MYCBP2: variants seen among roughly 807,000 people sequenced by gnomAD.
MYCBP2 encodes E3 ubiquitin-protein ligase MYCBP2.
Under a neutral mutation model 525.3 loss-of-function variants are expected in MYCBP2, and 120 were observed. The ratio of observed to expected loss-of-function variants is 0.23; its 90% CI spans 0.20 to 0.27. The LOEUF is 0.27. MYCBP2 is among the 10% of genes least tolerant of loss of function. MYCBP2 has a pLI of 1.00. For synonymous variants in MYCBP2, 1,894 were observed against 1,955.8 expected (o/e 0.97, Z 0.83); for missense variants, 4,149 against 5,657.1 (o/e 0.73, Z 8.55).
intron 76 of MYCBP2, 84 bp from the exon 77 acceptor site, chr13:77,059,710 A>G (rs2038923663): frequency 1.1e-6 from 1 of 923,798 alleles, no homozygotes; most frequent in East Asian, 2.5e-5. Flanking sequence ...AAAGCAAACT[A>G]GGTTTGTATA....
intron 17 of MYCBP2, 52 bp from the exon 18 acceptor site, chr13:77,233,315 C>A: frequency 1.6e-6 from 2 of 1,277,388 alleles, no homozygotes; most frequent in Non-Finnish European, 2.3e-6. Context: ...AATGAAAACA[C>A]TATAATGAAC....
chr13:77,261,831 G>A lies in MYCBP2; in HGVS notation c.1647+222C>T, dbSNP rs576927926. ...CACAAACCTTCAATTTGTAAAAAGA[G>A]CAATTATTTGTGAAGTGTAACAAAA... On this transcript the variant is annotated intron_variant, in intron 11 of 82. Coordinates refer to ENST00000544440, the MANE Select transcript of MYCBP2 (RefSeq NM_015057.5). 1.4e-4 allele frequency among the ~76,000 whole-genome samples: 21 copies of A among 152,082 alleles called. No homozygotes were observed. In the South Asian group the frequency reaches 3.5e-3, roughly 26 times the overall value.
chr13:77,260,693 T>G (rs1366902387), intron 12 of MYCBP2, 101 bp from the exon 13 acceptor site: 5 of 1,035,676 alleles, frequency 4.8e-6, no homozygotes, highest in Non-Finnish European at 6.8e-6. Context: ...TTATTTGCAT[T>G]TATGACACTA....
At chr13:77,246,337 T>A (rs184769686) in intron 15 of MYCBP2, among the ~76,000 whole-genome samples, 232 of 152,224 alleles carry the variant, frequency 1.5e-3, no homozygotes, top group African/African-American at 5.3e-3. Flanking sequence ...ACACTATTTT[T>A]AAAATAGTGT....
chr13:77,146,237 C>T lies in MYCBP2; in HGVS notation c.7132-20G>A. 1 of 1,535,880 alleles carries T rather than the reference C, an allele frequency of 6.5e-7. No homozygotes were observed. Among genetic ancestry groups the T allele is most frequent in the Non-Finnish European group, 8.8e-7 (1 of 1,131,328 alleles). Reference sequence around the variant, plus strand: ...ATAAACCTTTAAGAAAGAGACCAGTCTGAACAATCGTAAAATCATTTAAAA... The same window carrying T: ...ATAAACCTTTAAGAAAGAGACCAGTTTGAACAATCGTAAAATCATTTAAAA... On this transcript the variant is annotated intron_variant, in intron 47 of 82. Transcript: ENST00000544440.
chr13:77,199,715 C>T (rs2062231109), intron 26 of MYCBP2, among the ~76,000 whole-genome samples: 1 of 152,228 alleles, frequency 6.6e-6, no homozygotes, highest in Non-Finnish European at 1.5e-5. Flanking sequence ...AGACTGCCTC[C>T]TCAAGTGGGT....
In MYCBP2 at chr13:77,326,491, A is replaced by G; in HGVS notation, c.285T>C (p.Ala95=). The G allele has an allele frequency of 6.3e-7, 1 of 1,582,010 alleles. No individual in the cohort carries two copies. Among genetic ancestry groups the G allele is most frequent in the Non-Finnish European group, 8.6e-7 (1 of 1,165,230 alleles). The change falls in exon 1 of 83, where the codon GCT becomes GCC. Residue 95 remains alanine, a synonymous_variant. Coordinates refer to ENST00000544440, the MANE Select transcript of MYCBP2 (RefSeq NM_015057.5). The surrounding 1 kb of genome is among the most constrained non-coding windows in gnomAD (Gnocchi z 4.2). ...LNDRDQGGGS[A]GHPASRNKKI... is the part of the protein sequence containing the mutation. ...GGACGCACCTGGAGGCTGGGTGTCC[A>G]GCGCTGCCGCCCCCCTGGTCCCTGT... is the stretch of plus-strand genomic sequence containing the variant.
chr13:77,246,386 GAGGA>G (rs1261087747), intron 15 of MYCBP2, among the ~76,000 whole-genome samples: 1 of 151,958 alleles, frequency 6.6e-6, no homozygotes, highest in Non-Finnish European at 1.5e-5. Context: ...AAAAACTGAA[GAGGA>G]GAGAACAAGA....
At chr13:77,234,675 T>C (rs2067629658) in intron 17 of MYCBP2, among the ~76,000 whole-genome samples, 1 of 151,996 alleles carries the variant, frequency 6.6e-6, no homozygotes, top group Non-Finnish European at 1.5e-5. Flanking sequence ...CTGAGTTCCA[T>C]TTCTAAAATG....
chr13:77,191,008 T>C (rs746614104), intron 28 of MYCBP2, among the ~76,000 whole-genome samples: 54 of 152,276 alleles, frequency 3.5e-4, no homozygotes, highest in Admixed American at 1.6e-3. Flanking sequence ...AATACATAAA[T>C]CATAGTAATA....
intron 36 of MYCBP2, among the ~76,000 whole-genome samples, chr13:77,175,536 C>T (rs1180301236): frequency 2.0e-5 from 3 of 152,132 alleles, no homozygotes; most frequent in Non-Finnish European, 4.4e-5. Context: ...TGAAACCTCT[C>T]GTGTACCGAT....
At chr13:77,292,958 CAAAAAAAAAA>C (rs548135428) in intron 2 of MYCBP2, among the ~76,000 whole-genome samples, 2 of 61,290 alleles carry the variant, frequency 3.3e-5, no homozygotes, top group Non-Finnish European at 7.0e-5. Context: ...GACTCCGTCT[CAAAAAAAAAA>C]AAAAAAAAAG....
intron 1 of MYCBP2, among the ~76,000 whole-genome samples, chr13:77,311,574 TTTTTG>T (rs1052319814): frequency 6.6e-6 from 1 of 150,802 alleles, no homozygotes; most frequent in Non-Finnish European, 1.5e-5. Context: ...TGTTTTTTTT[TTTTTG>T]TTTTTTTTTT....
At chr13:77,056,104 GTGTGT>G in intron 79 of MYCBP2, among the ~76,000 whole-genome samples, 1 of 69,636 alleles carries the variant, frequency 1.4e-5, no homozygotes, top group East Asian at 3.5e-4. Flanking sequence ...TGTTTGGTGT[GTGTGT>G]GTGTGTGTGT....
At chr13:77,252,097 C>A (rs1417983258) in intron 14 of MYCBP2, among the ~76,000 whole-genome samples, 1 of 152,154 alleles carries the variant, frequency 6.6e-6, no homozygotes, top group African/African-American at 2.4e-5. Context: ...CCTGTTTATA[C>A]CTCACCTAAC....
intron 55 of MYCBP2, among the ~76,000 whole-genome samples, chr13:77,105,764 G>A (rs534290138): frequency 6.6e-6 from 1 of 152,008 alleles, no homozygotes; most frequent in Non-Finnish European, 1.5e-5. Context: ...AAGTTTAAGA[G>A]AATAATATTA....
At chr13:77,243,648 TAAAC>T (rs1048114273) in intron 16 of MYCBP2, among the ~76,000 whole-genome samples, 154 bp downstream of exon 16, 5 of 151,912 alleles carry the variant, frequency 3.3e-5, no homozygotes, top group Non-Finnish European at 7.4e-5. Context: ...TCTCATCCCT[TAAAC>T]AATGTCATAT....
chr13:77,186,658 G>A (rs2154253180), intron 30 of MYCBP2, among the ~76,000 whole-genome samples: 1 of 152,212 alleles, frequency 6.6e-6, no homozygotes, highest in South Asian at 2.1e-4. Context: ...ATGAGTTTAA[G>A]ATGGTAGATT....
intron 77 of MYCBP2, 26 bp downstream of exon 77, chr13:77,059,497 G>C (rs762806304): frequency 3.3e-6 from 5 of 1,521,930 alleles, no homozygotes; most frequent in Non-Finnish European, 4.6e-6. Context: ...TGGACAATGG[G>C]ATGGCCTGTG....
Sources: gnomAD v4.1 joint callset for allele counts (sites outside exome capture counted in the v4.1 genomes callset) on GRCh38, gnomAD v4.1.1 for gene constraint, Gnocchi (gnomAD v3.1) non-coding constraint, MANE v1.5 for transcripts, NCBI Gene and HGNC (gene_info 2026-07-23, HGNC 2026-07-21) for gene names.